Variants in NUBPL observed in about 807,000 individuals in gnomAD.
NUBPL encodes the protein NUBP iron-sulfur cluster assembly factor, mitochondrial.
Under a neutral mutation model 45.7 loss-of-function variants are expected in NUBPL, and 31 were observed. The ratio of observed to expected loss-of-function variants is 0.68; its 90% CI spans 0.51 to 0.92. The LOEUF (loss-of-function observed/expected upper bound fraction) is 0.92. Among genes scored for constraint, NUBPL ranks in the 40% least tolerant of loss-of-function variants. The probability of loss-of-function intolerance (pLI) is 0.00; values close to 1 mark genes in which losing one functional copy is unlikely to be tolerated. For synonymous variants in NUBPL, 144 were observed against 140.9 expected, an observed-to-expected ratio of 1.02 and a Z score of -0.15; for missense variants, 401 against 398.7, an observed-to-expected ratio of 1.01 and a Z score of -0.05.
At chr14:31,586,750 G>A in intron 3 of NUBPL, among the ~76,000 whole-genome samples, 1 of 152,112 alleles carries the variant, frequency 6.6e-6, no homozygotes, top group Non-Finnish European at 1.5e-5. Flanking sequence ...TTTCCAGTGG[G>A]AGGTGAGTTC....
intron 6 of NUBPL, among the ~76,000 whole-genome samples, chr14:31,753,203 C>T (rs942817721): frequency 6.6e-6 from 1 of 152,168 alleles, no homozygotes; most frequent in Non-Finnish European, 1.5e-5. Flanking sequence ...GGTTCTCAGG[C>T]CCTGAGTAGG....
At chr14:31,769,223 A>G (rs1389008213) in intron 6 of NUBPL, among the ~76,000 whole-genome samples, 2 of 152,206 alleles carry the variant, frequency 1.3e-5, no homozygotes, top group Non-Finnish European at 2.9e-5. Flanking sequence ...GGAGATGAAT[A>G]CATAGCTCAT....
intron 4 of NUBPL, among the ~76,000 whole-genome samples, chr14:31,668,449 G>A (rs1048204985): frequency 6.6e-5 from 10 of 152,152 alleles, no homozygotes; most frequent in African/African-American, 2.2e-4. Flanking sequence ...TCAGACTGCC[G>A]TGCTGGCAGC....
chr14:31,563,819 C>T (rs1370970007), intron 2 of NUBPL, among the ~76,000 whole-genome samples: 1 of 152,172 alleles, frequency 6.6e-6, no homozygotes, highest in Admixed American at 6.5e-5. Flanking sequence ...TGTAACCTAT[C>T]TTGTACCTGA....
chr14:31,712,785 G>A (rs1236442853), intron 6 of NUBPL, among the ~76,000 whole-genome samples: 3 of 152,230 alleles, frequency 2.0e-5, no homozygotes, highest in African/African-American at 7.2e-5. Flanking sequence ...CAGGGAAGAA[G>A]GCTTTAATCA....
intron 6 of NUBPL, among the ~76,000 whole-genome samples, chr14:31,740,984 C>A (rs2038270748): frequency 6.6e-6 from 1 of 152,184 alleles, no homozygotes; most frequent in Non-Finnish European, 1.5e-5. Context: ...GAATTTCCAT[C>A]TGTTTACATT....
intron 4 of NUBPL, among the ~76,000 whole-genome samples, chr14:31,643,029 A>G (rs1249743461): frequency 1.3e-5 from 2 of 152,048 alleles, no homozygotes; most frequent in East Asian, 3.8e-4. Flanking sequence ...TACTCAATTC[A>G]TTTATCTGTC....
intron 6 of NUBPL, among the ~76,000 whole-genome samples, chr14:31,709,620 A>G (rs1189652151): frequency 6.6e-6 from 1 of 152,238 alleles, no homozygotes; most frequent in East Asian, 1.9e-4. Flanking sequence ...CAAATGAGAT[A>G]GAAGATTTGT....
At chr14:31,654,113 A>G (rs2036081667) in intron 4 of NUBPL, 1 of 454,484 alleles carries the variant, frequency 2.2e-6, no homozygotes, top group Non-Finnish European at 4.4e-6. Context: ...GACCACCACA[A>G]TAAAGCAAGT....
chr14:31,846,131 A>C, intron 8 of NUBPL: 1 of 327,690 alleles, frequency 3.1e-6, no homozygotes. Context: ...CCTTCTGTCT[A>C]GAATTCCTGC....
At chr14:31,850,299 C>A in intron 10 of NUBPL, 98 bp downstream of exon 10, 1 of 875,440 alleles carries the variant, frequency 1.1e-6, no homozygotes, top group Non-Finnish European at 1.9e-6. Context: ...ATTTGCAGTG[C>A]ATATATATTT....
intron 10 of NUBPL, among the ~76,000 whole-genome samples, chr14:31,851,843 C>T (rs929057278): frequency 1.3e-5 from 2 of 152,136 alleles, no homozygotes; most frequent in African/African-American, 4.8e-5. Context: ...AATTTCTTAT[C>T]AGTGTATTTC....
intron 7 of NUBPL, among the ~76,000 whole-genome samples, chr14:31,817,607 A>G (rs2039943541): frequency 6.6e-6 from 1 of 152,214 alleles, no homozygotes; most frequent in Non-Finnish European, 1.5e-5. Context: ...AAAGAGAAAT[A>G]AAATCCTTTA....
At chr14:31,645,776 C>CA (rs1403402313) in intron 4 of NUBPL, among the ~76,000 whole-genome samples, 6 of 110,128 alleles carry the variant, frequency 5.4e-5, no homozygotes, top group African/African-American at 1.4e-4. Flanking sequence ...TACTTTACAC[C>CA]CCCCCCCCCA....
intron 4 of NUBPL, among the ~76,000 whole-genome samples, chr14:31,667,154 G>A (rs772002717): frequency 1.3e-5 from 2 of 152,036 alleles, no homozygotes; most frequent in African/African-American, 2.4e-5. Context: ...TTTCCAGCTC[G>A]GTTACATTCT....
chr14:31,819,434 T>C (rs970258639), intron 7 of NUBPL, among the ~76,000 whole-genome samples: 3 of 152,192 alleles, frequency 2.0e-5, no homozygotes, highest in African/African-American at 7.2e-5. Flanking sequence ...CAGGTTTTGT[T>C]GCACATGTCT....
At chr14:31,761,337 G>A (rs1395903597) in intron 6 of NUBPL, among the ~76,000 whole-genome samples, 2 of 152,028 alleles carry the variant, frequency 1.3e-5, no homozygotes, top group Non-Finnish European at 2.9e-5. Flanking sequence ...ACCATGCGCG[G>A]CTAATTTTCT....
chr14:31,642,485 TTGGCTGTAAAATGAGTG>T (rs1226941740), intron 4 of NUBPL, among the ~76,000 whole-genome samples: 6 of 152,018 alleles, frequency 3.9e-5, no homozygotes, highest in Non-Finnish European at 8.8e-5. Context: ...TGAAAATGAG[TTGGCTGTAAAATGAGTG>T]TGGATTTATT....
intron 7 of NUBPL, among the ~76,000 whole-genome samples, chr14:31,825,668 TTC>T (rs1244651375): frequency 2.1e-5 from 3 of 144,906 alleles, no homozygotes; most frequent in Non-Finnish European, 3.0e-5. Context: ...CCTTTTCCTT[TTC>T]TTTTTTTCTC....
Sources: gnomAD v4.1 joint callset for allele counts (sites outside exome capture counted in the v4.1 genomes callset) on GRCh38, gnomAD v4.1.1 for gene constraint, MANE v1.5 for transcripts, NCBI Gene and HGNC (gene_info 2026-07-23, HGNC 2026-07-21) for gene names.